The following BYSL variants were observed in gnomAD, a reference collection of about 807,000 sequenced individuals.
BYSL encodes the protein bystin like, also known as bystin.
BYSL carries 21 observed loss-of-function variants against 45.4 expected under a neutral mutation model. That is an observed-to-expected ratio of 0.46 (90% CI 0.33 to 0.67). The LOEUF (loss-of-function observed/expected upper bound fraction) is 0.67, where lower values mean the gene tolerates loss of function less well. BYSL is among the 30% of genes least tolerant of loss of function. The probability of loss-of-function intolerance (pLI) is 0.02; values close to 1 mark genes in which losing one functional copy is unlikely to be tolerated. For synonymous variants in BYSL, 215 were observed against 231.3 expected, an observed-to-expected ratio of 0.93 and a Z score of 0.64; for missense variants, 522 against 578.5, an observed-to-expected ratio of 0.90 and a Z score of 1.00.
At chr6:41,915,761 T>C in the BYSL span, among the ~76,000 whole-genome samples, 2 of 133,142 alleles carry the variant, frequency 1.5e-5, no homozygotes, top group Non-Finnish European at 3.2e-5. Flanking sequence ...CACTCCAGCC[T>C]GGGCGACAGA....
At chr6:41,916,965 A>G (rs1775331073), upstream of BYSL, 1 of 1,612,736 alleles carries the variant, frequency 6.2e-7, no homozygotes. Context: ...CCAAATCGTC[A>G]GTTATCCAGA....
the BYSL span, among the ~76,000 whole-genome samples, chr6:41,910,425 A>C: frequency 6.6e-6 from 1 of 151,942 alleles, no homozygotes; most frequent in East Asian, 1.9e-4. Context: ...TGAGGTCAGG[A>C]GTTCCAGACC....
At chr6:41,916,816 G>A (rs1775326498), upstream of BYSL, 1 of 1,614,068 alleles carries the variant, frequency 6.2e-7, no homozygotes, top group African/African-American at 1.3e-5. Context: ...CGGCCGTATG[G>A]TAAGTCTCAC....
At chr6:41,921,085 A>T, upstream of BYSL, 1 of 1,598,274 alleles carries the variant, frequency 6.3e-7, no homozygotes. Context: ...CGCCCACAGA[A>T]ACTCCTTCAG....
Position 41,927,279 on chromosome 6 carries a change from T to A in BYSL, c.269-95T>A, listed in dbSNP as rs1775576417. On this transcript the variant is annotated intron_variant, in intron 1 of 6. Coordinates refer to ENST00000230340, the MANE Select transcript of BYSL (RefSeq NM_004053.4). ...CATACCTGCGTCTATCACAACCACA[T>A]GTGAGGCCTGTACTACATAATGGCT... 2.1e-6 allele frequency: 3 copies of A among 1,449,412 alleles called. No homozygotes were observed. The Admixed American group carries it at 5.7e-5, about 27-fold the overall frequency. 89.8% of individuals were successfully genotyped at this position (1,449,412 alleles called of 1,614,324 possible). A position where few individuals can be genotyped will look rare whatever the true frequency, so the allele number is the denominator to read the frequency against.
chr6:41,909,035 A>T, the BYSL span: 2 of 523,366 alleles, frequency 3.8e-6, no homozygotes, highest in South Asian at 3.6e-5. Context: ...AAAAAAAAAA[A>T]TTTAATTCGG....
chr6:41,927,217 C>T (rs1205957244), intron 1 of BYSL, among the ~76,000 whole-genome samples, 157 bp from the exon 2 acceptor site: 1 of 152,164 alleles, frequency 6.6e-6, no homozygotes, highest in Non-Finnish European at 1.5e-5. Flanking sequence ...ATTGCAAGCC[C>T]CTGGGGACAG....
At chr6:41,920,361 G>A (rs1054712991), upstream of BYSL, among the ~76,000 whole-genome samples, 2 of 152,126 alleles carry the variant, frequency 1.3e-5, no homozygotes, top group African/African-American at 2.4e-5. Context: ...GGGAAGAGCA[G>A]GCGAAAATCT....
chr6:41,912,031 A>T, the BYSL span, among the ~76,000 whole-genome samples: 105 of 151,466 alleles, frequency 6.9e-4, no homozygotes, highest in Middle Eastern at 3.4e-3. Flanking sequence ...GTTGTTATGG[A>T]CAATAACATT....
rs16895095 is a variant in BYSL, at chr6:41,931,891, G to A, written c.968+61G>A. The A allele has an allele frequency of 2.3e-3, 3,508 of 1,507,878 alleles. 36 individuals carry two copies. The African/African-American group carries it at 0.032, about 14-fold the overall frequency. The allele number at this position is 1,507,878 out of a possible 1,614,324, so 93.4% of individuals were successfully genotyped here. ...GGATATCCAGATAGTGGAATTGCCA[G>A]GACTTGGGAATGGGCAGAGTGGAGA... On this transcript the variant is annotated intron_variant, in intron 6 of 6. Coordinates refer to ENST00000230340, the MANE Select transcript of BYSL (RefSeq NM_004053.4).
At chr6:41,928,019 C>A (rs1775587903) in intron 2 of BYSL, among the ~76,000 whole-genome samples, 2 of 152,148 alleles carry the variant, frequency 1.3e-5, no homozygotes, top group Non-Finnish European at 2.9e-5. Context: ...ATCTCTACTT[C>A]TAGACTCCAG....
chr6:41,914,786 C>T, the BYSL span, among the ~76,000 whole-genome samples: 3 of 151,964 alleles, frequency 2.0e-5, no homozygotes, highest in Non-Finnish European at 2.9e-5. Flanking sequence ...CCCATCTCAT[C>T]ACTCAAAACG....
upstream of BYSL, among the ~76,000 whole-genome samples, chr6:41,916,583 AAAAAT>A (rs568070282): frequency 8.5e-5 from 13 of 152,150 alleles, no homozygotes; most frequent in African/African-American, 2.7e-4. Context: ...TCCATCTCAA[AAAAAT>A]AAAATAAAAT....
In BYSL at chr6:41,932,506, C is replaced by T. The variant is rs751872653; in HGVS notation, c.1114C>T (p.Arg372Cys). 3.2e-5 allele frequency: 52 copies of T among 1,614,074 alleles called. No homozygotes were observed. In the East Asian group the frequency reaches 3.3e-4, roughly 10 times the overall value. ...FHFLGFRTEK[R>C]ELPVLWHQCL... is the part of the protein sequence containing the mutation. ...CTTCCTGGGGTTCCGGACAGAGAAG[C>T]GTGAACTGCCTGTGCTGTGGCACCA... The change falls in exon 7 of 7, where the codon CGT (arginine) becomes TGT (cysteine). Residue 372 changes from arginine (R) to cysteine (C), a missense_variant. Transcript: ENST00000230340. This position sits in a 1 kb window ranked among gnomAD's most constrained non-coding sequence, Gnocchi z 4.7.
intron 2 of BYSL, 158 bp downstream of exon 2, chr6:41,927,694 A>G: frequency 1.3e-6 from 1 of 799,776 alleles, no homozygotes; most frequent in Non-Finnish European, 1.9e-6. Flanking sequence ...TCAAAGGACC[A>G]CTGTGAGTAG....
Position 41,932,808 on chromosome 6 carries a change from TCAGGGCAGTGACAGATCA to T in BYSL, c.*108_*125del. 8.1e-7 allele frequency: 1 copy of T among 1,239,768 alleles called. No homozygotes were observed. The highest frequency in any genetic ancestry group is 1.1e-6 in the Non-Finnish European group (1 of 899,280). The allele number at this position is 1,239,768 out of a possible 1,614,324, so 76.8% of individuals were successfully genotyped here. On this transcript the variant is annotated 3_prime_UTR_variant, in exon 7 of 7. Coordinates refer to ENST00000230340, the MANE Select transcript of BYSL (RefSeq NM_004053.4). This position sits in a 1 kb window ranked among gnomAD's most constrained non-coding sequence, Gnocchi z 4.7. Reference sequence around the variant, plus strand: ...GAGCTTTAATGGCTGAAGACCCAGATCAGGGCAGTGACAGATCACAGGGACATCTGTGGCTCCCAGTCC... The same window carrying T: ...GAGCTTTAATGGCTGAAGACCCAGATCAGGGACATCTGTGGCTCCCAGTCC...
chr6:41,926,433 G>T (rs1467703780), intron 1 of BYSL, among the ~76,000 whole-genome samples: 5 of 151,774 alleles, frequency 3.3e-5, no homozygotes, highest in African/African-American at 7.3e-5. Context: ...CCATAAGAAG[G>T]TTTATTTTAT....
chr6:41,920,722 G>A (rs1775439436), upstream of BYSL: 2 of 349,084 alleles, frequency 5.7e-6, no homozygotes, highest in Non-Finnish European at 1.0e-5. Flanking sequence ...AGTGAGCCAA[G>A]ATCGCTCCAC....
upstream of BYSL, chr6:41,921,169 C>T: frequency 3.0e-6 from 3 of 1,006,888 alleles, no homozygotes; most frequent in Non-Finnish European, 2.9e-6. Flanking sequence ...TCCACGCCTT[C>T]CCCAAGGAAT....
Sources: gnomAD v4.1 joint callset for allele counts (sites outside exome capture counted in the v4.1 genomes callset) on GRCh38, gnomAD v4.1.1 for gene constraint, Gnocchi (gnomAD v3.1) non-coding constraint, MANE v1.5 for transcripts, NCBI Gene and HGNC (gene_info 2026-07-23, HGNC 2026-07-21) for gene names.